The following CLMP variants were observed in gnomAD, a reference collection of about 807,000 sequenced individuals.
The protein encoded by CLMP is CXADR like cell adhesion molecule, also known as CXADR-like membrane protein.
Under a neutral mutation model 45.2 loss-of-function variants are expected in CLMP, and 27 were observed. That is an observed-to-expected ratio of 0.60 (90% CI 0.44 to 0.82). The LOEUF is 0.82. Among genes scored for constraint, CLMP ranks in the 40% least tolerant of loss-of-function variants. The probability of loss-of-function intolerance (pLI) is 0.00; values close to 1 mark genes in which losing one functional copy is unlikely to be tolerated. For synonymous variants in CLMP, 167 were observed against 171.4 expected (o/e 0.97, Z 0.20); for missense variants, 403 against 448.4 (o/e 0.90, Z 0.91).
At chr11:123,128,721 T>C (rs538647144) in intron 1 of CLMP, among the ~76,000 whole-genome samples, 1 of 152,266 alleles carries the variant, frequency 6.6e-6, no homozygotes, top group Non-Finnish European at 1.5e-5. Flanking sequence ...TAATCATCAG[T>C]ATCTGTCAAA....
intron 1 of CLMP, among the ~76,000 whole-genome samples, chr11:123,114,965 A>G (rs1463288929): frequency 2.0e-5 from 3 of 152,328 alleles, no homozygotes; most frequent in East Asian, 3.9e-4. Flanking sequence ...GCTACCCAGT[A>G]TAGGTAGCTA....
intron 1 of CLMP, among the ~76,000 whole-genome samples, chr11:123,110,659 C>T (rs1257810438): frequency 6.6e-6 from 1 of 152,038 alleles, no homozygotes; most frequent in Non-Finnish European, 1.5e-5. Context: ...AGGTGACAAC[C>T]TGAGCTGCGG....
At chr11:123,106,391 G>T (rs1290742242) in intron 1 of CLMP, among the ~76,000 whole-genome samples, 1 of 89,252 alleles carries the variant, frequency 1.1e-5, no homozygotes, top group Non-Finnish European at 2.3e-5. Context: ...AGGTGTGTGT[G>T]TGTGTGTGTG....
At chr11:123,153,053 T>A (rs1861363121) in intron 1 of CLMP, among the ~76,000 whole-genome samples, 1 of 152,178 alleles carries the variant, frequency 6.6e-6, no homozygotes, top group African/African-American at 2.4e-5. Flanking sequence ...GGAAACAACA[T>A]CTCTTGCCAT....
At chr11:123,081,703 T>G (rs1865805494) in intron 5 of CLMP, among the ~76,000 whole-genome samples, 1 of 151,782 alleles carries the variant, frequency 6.6e-6, no homozygotes, top group African/African-American at 2.4e-5. Context: ...AAACCCTGTC[T>G]CTACAAAAAT....
At chr11:123,131,998 C>A (rs11219008) in intron 1 of CLMP, among the ~76,000 whole-genome samples, 1 of 152,038 alleles carries the variant, frequency 6.6e-6, no homozygotes, top group Non-Finnish European at 1.5e-5. Context: ...GGATTAAATG[C>A]AATCTTGTTT....
intron 2 of CLMP, among the ~76,000 whole-genome samples, chr11:123,092,111 C>T (rs1865937224): frequency 6.6e-6 from 1 of 152,110 alleles, no homozygotes; most frequent in East Asian, 1.9e-4. Context: ...AGCTCAAGGA[C>T]CACTTTCTGT....
intron 2 of CLMP, among the ~76,000 whole-genome samples, chr11:123,086,574 T>C (rs1298789740): frequency 1.3e-5 from 2 of 152,194 alleles, no homozygotes; most frequent in African/African-American, 4.8e-5. Context: ...ACCTATGAAC[T>C]CTGACCCAGA....
intron 1 of CLMP, among the ~76,000 whole-genome samples, chr11:123,140,357 A>G (rs1861137127): frequency 6.6e-6 from 1 of 152,188 alleles, no homozygotes; most frequent in Non-Finnish European, 1.5e-5. Flanking sequence ...AAAGGTTATT[A>G]GATCTTGTTT....
chr11:123,119,231 G>A (rs753051505), intron 1 of CLMP, among the ~76,000 whole-genome samples: 3 of 151,446 alleles, frequency 2.0e-5, no homozygotes, highest in South Asian at 4.2e-4. Flanking sequence ...TTACAGGCAC[G>A]CGCCACCACA....
chr11:123,149,562 G>T (rs1025197663), intron 1 of CLMP, among the ~76,000 whole-genome samples: 3 of 152,082 alleles, frequency 2.0e-5, no homozygotes, highest in African/African-American at 7.2e-5. Context: ...TAAATTCCAG[G>T]CTTAACTTTG....
chr11:123,119,005 C>CTT, intron 1 of CLMP, among the ~76,000 whole-genome samples: 3 of 29,948 alleles, frequency 1.0e-4, no homozygotes, highest in African/African-American at 5.5e-4. Flanking sequence ...TTCTTTCTCT[C>CTT]TCTCTCTCTC....
intron 1 of CLMP, among the ~76,000 whole-genome samples, chr11:123,152,559 T>A (rs181061487): frequency 2.0e-5 from 3 of 149,680 alleles, no homozygotes; most frequent in Admixed American, 6.6e-5. Context: ...AATAAATAAA[T>A]AAATAAAAAA....
intron 1 of CLMP, among the ~76,000 whole-genome samples, chr11:123,139,842 GAATAAAATAA>G (rs200387134): frequency 6.8e-6 from 1 of 147,206 alleles, no homozygotes; most frequent in Non-Finnish European, 1.5e-5. Flanking sequence ...AAATAAAATA[GAATAAAATAA>G]AATAAAATAA....
At chr11:123,125,637 T>C (rs1860882892) in intron 1 of CLMP, among the ~76,000 whole-genome samples, 1 of 148,952 alleles carries the variant, frequency 6.7e-6, no homozygotes, top group African/African-American at 2.5e-5. Flanking sequence ...AGAGTCTTGC[T>C]CTGTTGCCCA....
At chr11:123,106,416 T>C (rs979102528) in intron 1 of CLMP, among the ~76,000 whole-genome samples, 21 of 107,552 alleles carry the variant, frequency 2.0e-4, no homozygotes, top group African/African-American at 7.1e-4. Context: ...TGTGTGTGTG[T>C]GTGTGTGTGC....
At chr11:123,135,853 A>C in intron 1 of CLMP, 5 of 436,548 alleles carry the variant, frequency 1.1e-5, no homozygotes, top group South Asian at 9.4e-5. Context: ...TGTACTGTTG[A>C]AAGACCCCTT....
At chr11:123,102,050 C>T (rs892695219) in intron 1 of CLMP, among the ~76,000 whole-genome samples, 10 of 151,950 alleles carry the variant, frequency 6.6e-5, no homozygotes, top group African/African-American at 2.4e-4. Flanking sequence ...CCAGGCATGG[C>T]GGCCCAGCCT....
At chr11:123,140,022 A>G (rs1861132494) in intron 1 of CLMP, among the ~76,000 whole-genome samples, 1 of 152,260 alleles carries the variant, frequency 6.6e-6, no homozygotes, top group Non-Finnish European at 1.5e-5. Flanking sequence ...CAATGGTTGG[A>G]ATATTATGGT....
Sources: allele counts gnomAD v4.1 joint callset (sites outside exome capture counted in the v4.1 genomes callset), GRCh38; gene constraint gnomAD v4.1.1; transcripts MANE v1.5; gene names NCBI Gene and HGNC (gene_info 2026-07-23, HGNC 2026-07-21).